Variants in TRIO observed in about 807,000 individuals in gnomAD.
TRIO encodes triple functional domain protein.
TRIO carries 58 observed loss-of-function variants against 351.9 expected under a neutral mutation model. The observed-to-expected ratio is 0.16, with a 90% CI of 0.13 to 0.21. TRIO has a LOEUF of 0.21. TRIO is among the 10% of genes least tolerant of loss of function. TRIO has a pLI of 1.00. For missense variants in TRIO, 3,201 were observed against 4,027.8 expected, an observed-to-expected ratio of 0.79 and a Z score of 5.56; for synonymous variants, 1,758 against 1,595.7, an observed-to-expected ratio of 1.10 and a Z score of -2.42.
At chr5:14,319,888 G>A (rs1441556435) in intron 9 of TRIO, among the ~76,000 whole-genome samples, 1 of 152,138 alleles carries the variant, frequency 6.6e-6, no homozygotes, top group Non-Finnish European at 1.5e-5. Flanking sequence ...CTTAATAAGC[G>A]GGGGCCAATT....
intron 1 of TRIO, among the ~76,000 whole-genome samples, chr5:14,196,995 GCCT>G: frequency 6.6e-6 from 1 of 152,276 alleles, no homozygotes; most frequent in South Asian, 2.1e-4. Context: ...TGTGATTACT[GCCT>G]GGTGTTCAAT....
intron 1 of TRIO, among the ~76,000 whole-genome samples, chr5:14,259,726 A>C (rs1795232359): frequency 6.6e-6 from 1 of 152,186 alleles, no homozygotes; most frequent in Non-Finnish European, 1.5e-5. Context: ...AAAACTTCCA[A>C]ATTAACTGTA....
Position 14,241,628 on chromosome 5 carries a change from A to C in TRIO, c.158-29197A>C, listed in dbSNP as rs573441514. Reference sequence around the variant, plus strand: ...GATATAGAGGCATTGTCAGCTCTAAAACTCTGATTTTAGGATGCTTCATAT... The same window carrying C: ...GATATAGAGGCATTGTCAGCTCTAACACTCTGATTTTAGGATGCTTCATAT... On this transcript the variant is annotated intron_variant, in intron 1 of 56. Coordinates refer to ENST00000344204, the MANE Select transcript of TRIO (RefSeq NM_007118.4). 4.9e-4 allele frequency among the ~76,000 whole-genome samples: 75 copies of C among 152,294 alleles called. 2 individuals are homozygous for C. In the South Asian group the frequency reaches 0.014, roughly 29 times the overall value.
intron 1 of TRIO, among the ~76,000 whole-genome samples, chr5:14,180,663 A>G (rs1789712733): frequency 6.6e-6 from 1 of 152,026 alleles, no homozygotes; most frequent in Non-Finnish European, 1.5e-5. Context: ...GCAAGATCCT[A>G]TCTCTACAAA....
intron 33 of TRIO, among the ~76,000 whole-genome samples, chr5:14,416,419 A>G (rs1749650284): frequency 6.6e-6 from 1 of 152,062 alleles, no homozygotes; most frequent in Admixed American, 6.5e-5. Flanking sequence ...GAAAACACCC[A>G]TTTAATCCTC....
chr5:14,470,498 C>T (rs571925693), intron 37 of TRIO, among the ~76,000 whole-genome samples: 60 of 152,266 alleles, frequency 3.9e-4, no homozygotes, highest in African/African-American at 1.4e-3. Flanking sequence ...GGTAAAACAA[C>T]GAGATTAATA....
chr5:14,366,211 G>A (rs892655311), intron 15 of TRIO, among the ~76,000 whole-genome samples: 7 of 151,950 alleles, frequency 4.6e-5, no homozygotes, highest in African/African-American at 1.4e-4. Context: ...CTAAGTAAAC[G>A]AGAGGGCAAT....
intron 7 of TRIO, among the ~76,000 whole-genome samples, chr5:14,302,318 TG>T (rs1339704486): frequency 6.6e-6 from 1 of 152,256 alleles, no homozygotes; most frequent in African/African-American, 2.4e-5. Flanking sequence ...CTCTTGGTTT[TG>T]GGTGTTCTGC....
intron 1 of TRIO, among the ~76,000 whole-genome samples, chr5:14,267,343 T>C (rs1270346495): frequency 2.0e-5 from 3 of 152,162 alleles, no homozygotes; most frequent in Non-Finnish European, 4.4e-5. Flanking sequence ...TGGGATCCTA[T>C]CAGGGCCTCT....
chr5:14,446,562 G>A (rs749225370), intron 34 of TRIO, among the ~76,000 whole-genome samples: 10 of 152,176 alleles, frequency 6.6e-5, no homozygotes, highest in Non-Finnish European at 1.2e-4. Context: ...GTTGCATCCC[G>A]TAATGCTTTG....
chr5:14,196,113 A>G (rs1790754006), intron 1 of TRIO, among the ~76,000 whole-genome samples: 1 of 152,150 alleles, frequency 6.6e-6, no homozygotes, highest in Non-Finnish European at 1.5e-5. Flanking sequence ...AAGGCTTTTT[A>G]AAAACATTGC....
rs762075494 is a variant in TRIO at position 14,481,627 on chromosome 5, G to C, written c.6465+9G>C. On this transcript the variant is annotated intron_variant, in intron 45 of 56. Transcript: ENST00000344204. ...GGCTGCAAGGATTCGACGTAATGCG[G>C]CTCTTGTTTTTTAAGAGAGCTCCTC... 6 of 1,614,006 alleles carry C rather than the reference G, an allele frequency of 3.7e-6. No homozygotes were observed. The East Asian group carries it at 1.3e-4, about 36-fold the overall frequency.
intron 1 of TRIO, among the ~76,000 whole-genome samples, chr5:14,231,317 G>A (rs915045576): frequency 6.6e-6 from 1 of 152,188 alleles, no homozygotes. Context: ...TCTGAAACAA[G>A]AGTTAAGGTT....
intron 1 of TRIO, among the ~76,000 whole-genome samples, chr5:14,227,432 G>A (rs1343025939): frequency 2.6e-5 from 4 of 152,184 alleles, no homozygotes; most frequent in Non-Finnish European, 4.4e-5. Context: ...ACTTCTGATG[G>A]ACCACCTCAT....
At position 14,479,268 on chromosome 5, in the gene TRIO, G is replaced by C. The variant is rs780511129; in HGVS notation, c.6161G>C (p.Arg2054Thr). The change falls in exon 42 of 57, where the codon AGG becomes ACG. Residue 2054 changes from arginine to threonine, a missense_variant. Physicochemically the swap from Arg to Thr is moderately conservative, Grantham distance 71. Coordinates refer to ENST00000344204, the MANE Select transcript of TRIO (RefSeq NM_007118.4). ...TGCCTTTTTTATTCCTAGGAGAGAA[G>C]GTTGCACATGTACATAGCTTATTGT... ...LGSLFVKHERRLHMYIAYCQN... is the reference protein window; with the variant it reads ...LGSLFVKHERTLHMYIAYCQN... 7 of 1,613,690 alleles carry C rather than the reference G, an allele frequency of 4.3e-6. No homozygotes were observed. The East Asian group carries it at 1.3e-4, about 31-fold the overall frequency.
intron 20 of TRIO, among the ~76,000 whole-genome samples, chr5:14,378,983 G>T (rs1027964409): frequency 2.0e-5 from 3 of 152,170 alleles, no homozygotes; most frequent in African/African-American, 7.2e-5. Context: ...AGTCATGGAC[G>T]AAGATCATTT....
intron 37 of TRIO, 154 bp downstream of exon 37, chr5:14,465,794 A>C: frequency 1.4e-6 from 1 of 739,062 alleles, no homozygotes; most frequent in South Asian, 1.6e-5. Context: ...CCTCGGGTTC[A>C]CTGATTTGAA....
intron 8 of TRIO, 32 bp from the exon 9 acceptor site, chr5:14,316,481 C>G (rs374035349): frequency 3.7e-6 from 6 of 1,609,558 alleles, no homozygotes; most frequent in Non-Finnish European, 4.2e-6. Flanking sequence ...AACCTCAGAT[C>G]GTGAAGAATC....
intron 1 of TRIO, among the ~76,000 whole-genome samples, chr5:14,263,120 C>T (rs1400634259): frequency 6.6e-5 from 10 of 152,268 alleles, no homozygotes; most frequent in Non-Finnish European, 1.0e-4. Context: ...AGGACATCTT[C>T]TCCTATTCTC....
Sources: allele counts gnomAD v4.1 joint callset (sites outside exome capture counted in the v4.1 genomes callset), GRCh38; gene constraint gnomAD v4.1.1; transcripts MANE v1.5; gene names NCBI Gene and HGNC (gene_info 2026-07-23, HGNC 2026-07-21).